CHN2: variants seen among roughly 807,000 people sequenced by gnomAD.
CHN2 encodes beta-chimaerin.
In CHN2, 35 loss-of-function variants were observed where a neutral mutation model predicts 56.3. The ratio of observed to expected loss-of-function variants is 0.62; its 90% CI spans 0.47 to 0.82. CHN2 has a LOEUF of 0.82. Among genes scored for constraint, CHN2 ranks in the 40% least tolerant of loss-of-function variants. The pLI, the probability that CHN2 is intolerant of heterozygous loss-of-function variation, is 0.00. For synonymous variants in CHN2, 210 were observed against 212.8 expected (o/e 0.99, Z 0.12); for missense variants, 491 against 580.5 (o/e 0.85, Z 1.58).
At chr7:29,240,941 G>A (rs557733329) in intron 1 of CHN2, among the ~76,000 whole-genome samples, 13 of 151,584 alleles carry the variant, frequency 8.6e-5, no homozygotes, top group South Asian at 6.3e-4. Context: ...CCTGGAGTGC[G>A]GTGAGGCAAT....
At chr7:29,230,329 G>A (rs1562849337) in intron 1 of CHN2, among the ~76,000 whole-genome samples, 1 of 152,148 alleles carries the variant, frequency 6.6e-6, no homozygotes, top group Non-Finnish European at 1.5e-5. Flanking sequence ...TTATAAAATA[G>A]TGTAAACCCA....
intron 1 of CHN2, among the ~76,000 whole-genome samples, chr7:29,258,299 T>G (rs978676688): frequency 3.3e-5 from 5 of 152,172 alleles, no homozygotes; most frequent in Non-Finnish European, 7.3e-5. Flanking sequence ...GTCTTAAAGA[T>G]TAGATGATCC....
chr7:29,442,293 A>G (rs1242862325), intron 6 of CHN2, among the ~76,000 whole-genome samples: 2 of 152,156 alleles, frequency 1.3e-5, no homozygotes, highest in South Asian at 2.1e-4. Context: ...CATGACTCAA[A>G]TGGGTGCATC....
chr7:29,179,784 A>G lies in CHN2; in HGVS notation c.274+32824A>G, dbSNP rs560465230. On this transcript the variant is annotated intron_variant, in intron 2 of 6. Transcript: ENST00000439384. ...AGAACTGGACATTTGTGGAGGGGCT[A>G]TATAGCATTTATGAGGTTCATTTGT... 1.1e-4 allele frequency among the ~76,000 whole-genome samples: 17 copies of G among 152,332 alleles called. No individual in the cohort carries two copies. In the South Asian group the frequency reaches 3.5e-3, roughly 32 times the overall value.
intron 1 of CHN2, among the ~76,000 whole-genome samples, chr7:29,210,166 A>C (rs1359285081): frequency 1.3e-5 from 2 of 152,218 alleles, no homozygotes; most frequent in Non-Finnish European, 2.9e-5. Context: ...CCAAGGGAAC[A>C]ACCCTCTTGT....
intron 1 of CHN2, among the ~76,000 whole-genome samples, chr7:29,350,812 T>C (rs1446291165): frequency 6.6e-6 from 1 of 152,144 alleles, no homozygotes; most frequent in African/African-American, 2.4e-5. Context: ...ATTGTCTCAT[T>C]TAATTCCCAC....
intron 1 of CHN2, among the ~76,000 whole-genome samples, chr7:29,205,436 A>G (rs1435041385): frequency 6.6e-6 from 1 of 152,194 alleles, no homozygotes; most frequent in Non-Finnish European, 1.5e-5. Context: ...AAATGGGCTA[A>G]TAATACTAGT....
chr7:29,363,711 G>A (rs1251264022), intron 2 of CHN2, among the ~76,000 whole-genome samples: 2 of 152,184 alleles, frequency 1.3e-5, no homozygotes, highest in African/African-American at 2.4e-5. Flanking sequence ...AGAGAACAGA[G>A]GGATAGGGTG....
At chr7:29,180,613 G>C (rs1034409917) in intron 2 of CHN2, among the ~76,000 whole-genome samples, 10 of 151,892 alleles carry the variant, frequency 6.6e-5, no homozygotes, top group Middle Eastern at 3.2e-3. Flanking sequence ...TAAGGCAAAT[G>C]ATGAGCCAAT....
intron 5 of CHN2, 59 bp downstream of exon 5, chr7:29,398,545 C>A: frequency 9.3e-7 from 1 of 1,077,530 alleles, no homozygotes; most frequent in Non-Finnish European, 1.4e-6. Flanking sequence ...CTGATGTTTG[C>A]CCATTTTTAA....
intron 6 of CHN2, among the ~76,000 whole-genome samples, chr7:29,428,496 C>A (rs1411307186): frequency 6.6e-6 from 1 of 152,156 alleles, no homozygotes; most frequent in African/African-American, 2.4e-5. Context: ...TCCCTGGGAC[C>A]ATTTCAAATT....
At chr7:29,393,643 A>T in intron 3 of CHN2, 36 bp from the exon 4 acceptor site, 1 of 835,526 alleles carries the variant, frequency 1.2e-6, no homozygotes, top group Non-Finnish European at 1.8e-6. Context: ...ATTTGAATTC[A>T]AATGCATTAT....
chr7:29,441,619 A>T (rs779841979), intron 6 of CHN2, among the ~76,000 whole-genome samples: 30 of 152,208 alleles, frequency 2.0e-4, no homozygotes, highest in Non-Finnish European at 3.5e-4. Context: ...AATAGGCAAG[A>T]AACTTCAATC....
chr7:29,482,717 C>T (rs1361959095), intron 7 of CHN2, among the ~76,000 whole-genome samples: 1 of 148,036 alleles, frequency 6.8e-6, no homozygotes, highest in Non-Finnish European at 1.5e-5. Context: ...ATATAGTAAG[C>T]AGTCAATAAA....
At chr7:29,314,615 C>T (rs1794827522) in intron 1 of CHN2, among the ~76,000 whole-genome samples, 1 of 152,078 alleles carries the variant, frequency 6.6e-6, no homozygotes, top group Non-Finnish European at 1.5e-5. Flanking sequence ...TCACCACCAA[C>T]AAAAATATTC....
At chr7:29,511,923 G>T (rs1289244833) in intron 12 of CHN2, among the ~76,000 whole-genome samples, 2 of 152,162 alleles carry the variant, frequency 1.3e-5, no homozygotes, top group African/African-American at 4.8e-5. Flanking sequence ...TTCTTACCTG[G>T]ATGTCGAAAT....
chr7:29,321,566 C>CT (rs1305421245), intron 1 of CHN2, among the ~76,000 whole-genome samples: 4 of 111,366 alleles, frequency 3.6e-5, no homozygotes, highest in Non-Finnish European at 7.8e-5. Flanking sequence ...TTCTTTCTTT[C>CT]TTTCTTTTTT....
intron 11 of CHN2, among the ~76,000 whole-genome samples, chr7:29,507,649 A>C (rs1441440659): frequency 6.6e-6 from 1 of 152,196 alleles, no homozygotes; most frequent in African/African-American, 2.4e-5. Context: ...GAAAGCATGA[A>C]TATTTCTGTA....
chr7:29,196,807 A>T (rs577295669), intron 1 of CHN2, among the ~76,000 whole-genome samples: 1 of 152,218 alleles, frequency 6.6e-6, no homozygotes, highest in East Asian at 1.9e-4. Context: ...GATTTAGATG[A>T]TGGTAATTGC....
Sources: allele counts gnomAD v4.1 joint callset (sites outside exome capture counted in the v4.1 genomes callset), GRCh38; gene constraint gnomAD v4.1.1; transcripts MANE v1.5; gene names NCBI Gene and HGNC (gene_info 2026-07-23, HGNC 2026-07-21).